The following EPHB1 variants were observed in gnomAD, a reference collection of about 807,000 sequenced individuals.
The protein encoded by EPHB1 is ephrin type-B receptor 1.
EPHB1 carries 30 observed loss-of-function variants against 94.4 expected under a neutral mutation model. That is an observed-to-expected ratio of 0.32 (90% CI 0.24 to 0.43). EPHB1 has a LOEUF of 0.43. EPHB1 is among the 20% of genes least tolerant of loss of function. The pLI, the probability that EPHB1 is intolerant of heterozygous loss-of-function variation, is 1.00. For missense variants in EPHB1, 1,055 were observed against 1,308.3 expected, an observed-to-expected ratio of 0.81 and a Z score of 2.99; for synonymous variants, 522 against 489.1, an observed-to-expected ratio of 1.07 and a Z score of -0.89.
intron 6 of EPHB1, among the ~76,000 whole-genome samples, chr3:135,161,639 T>C (rs2107697895): frequency 6.6e-6 from 1 of 152,206 alleles, no homozygotes; most frequent in South Asian, 2.1e-4. Flanking sequence ...GGATGTTGCC[T>C]AGTTTGAGTC....
chr3:135,096,113 T>C (rs1367820048), intron 3 of EPHB1, among the ~76,000 whole-genome samples: 1 of 152,246 alleles, frequency 6.6e-6, no homozygotes, highest in East Asian at 1.9e-4. Flanking sequence ...AAGTGAATTG[T>C]TGATGAAAAC....
At chr3:134,923,987 T>C (rs189415399) in intron 1 of EPHB1, among the ~76,000 whole-genome samples, 1 of 152,182 alleles carries the variant, frequency 6.6e-6, no homozygotes, top group Non-Finnish European at 1.5e-5. Context: ...CCTTGATACA[T>C]ATCCTGGGAA....
intron 1 of EPHB1, among the ~76,000 whole-genome samples, chr3:134,835,524 C>T (rs2036658121): frequency 1.3e-5 from 2 of 152,082 alleles, no homozygotes; most frequent in South Asian, 2.1e-4. Context: ...AACCCTGCTC[C>T]CCCAGTTATA....
At chr3:134,994,980 A>G (rs1320922169) in intron 3 of EPHB1, among the ~76,000 whole-genome samples, 1 of 124,844 alleles carries the variant, frequency 8.0e-6, no homozygotes, top group Non-Finnish European at 1.7e-5. Flanking sequence ...CCAGTTTTAC[A>G]TACACTTGTG....
chr3:134,915,026 A>G (rs1167651641), intron 1 of EPHB1, among the ~76,000 whole-genome samples: 5 of 152,154 alleles, frequency 3.3e-5, no homozygotes, highest in African/African-American at 1.2e-4. Flanking sequence ...CTCACCTGCT[A>G]GAATGGGTAT....
At chr3:134,965,985 T>C (rs757156167) in intron 3 of EPHB1, among the ~76,000 whole-genome samples, 1 of 152,176 alleles carries the variant, frequency 6.6e-6, no homozygotes, top group Non-Finnish European at 1.5e-5. Flanking sequence ...CTGCCTTCCC[T>C]GCCTGTAGCT....
chr3:135,003,053 G>T (rs1208932789), intron 3 of EPHB1, among the ~76,000 whole-genome samples: 1 of 151,826 alleles, frequency 6.6e-6, no homozygotes, highest in Non-Finnish European at 1.5e-5. Context: ...GTGATGTTAG[G>T]GTGTCAATTT....
intron 3 of EPHB1, among the ~76,000 whole-genome samples, chr3:135,102,031 A>T (rs1264372701): frequency 6.6e-6 from 1 of 152,156 alleles, no homozygotes; most frequent in African/African-American, 2.4e-5. Flanking sequence ...AATCCACAAT[A>T]AATATTTGTT....
chr3:134,795,834 C>A (rs534435470), intron 1 of EPHB1, 145 bp downstream of exon 1: 7 of 952,308 alleles, frequency 7.4e-6, no homozygotes, highest in Non-Finnish European at 1.1e-5. Flanking sequence ...GAGCCTCGGC[C>A]GCTGCCGAGC....
chr3:135,076,423 A>T (rs190149946), intron 3 of EPHB1, among the ~76,000 whole-genome samples: 33 of 152,250 alleles, frequency 2.2e-4, no homozygotes, highest in Admixed American at 2.1e-3. Context: ...AAACACAATG[A>T]TATACTACTT....
chr3:135,166,027 G>T lies in EPHB1; in HGVS notation c.1645G>T (p.Gly549Trp). Residue 549 changes from glycine (G) to tryptophan (W), a missense_variant, in exon 8 of 16, where the codon GGG becomes TGG. By Grantham distance (184) the Gly-to-Trp change is radical. Coordinates refer to ENST00000398015, the MANE Select transcript of EPHB1 (RefSeq NM_004441.5). ...CCTGATTGCTGGCTCGGCAGCGGCCGGGGTCGTGTTCGTTGTGTCCTTGGT... is the reference window on the plus strand; with the variant it reads ...CCTGATTGCTGGCTCGGCAGCGGCCTGGGTCGTGTTCGTTGTGTCCTTGGT... ...LPLIAGSAAA[G>W]VVFVVSLVAI... 1 of 1,613,946 alleles carries T rather than the reference G, an allele frequency of 6.2e-7. No homozygotes were observed. Among genetic ancestry groups the T allele is most frequent in the Non-Finnish European group, 8.5e-7 (1 of 1,179,878 alleles).
At chr3:134,898,998 G>C (rs995188511) in intron 1 of EPHB1, among the ~76,000 whole-genome samples, 2 of 152,144 alleles carry the variant, frequency 1.3e-5, no homozygotes, top group African/African-American at 4.8e-5. Flanking sequence ...GGGGAGGCAT[G>C]GTCTGGAGGA....
intron 12 of EPHB1, among the ~76,000 whole-genome samples, chr3:135,227,964 C>T (rs552728987): frequency 3.4e-4 from 52 of 152,156 alleles, no homozygotes; most frequent in Non-Finnish European, 7.2e-4. Context: ...TTAGACTCTT[C>T]GTGTGTATTT....
rs1414610129 is a variant in EPHB1, at chr3:135,192,718, C to T, written c.2025C>T (p.Phe675=). ...FLSEASIMGQ[F]DHPNIIRLEG... is the part of the protein sequence containing the mutation. ...GTGAGGCGAGCATCATGGGCCAGTTCGACCATCCTAACATCATTCGCCTGG... is the reference window on the plus strand; with the variant it reads ...GTGAGGCGAGCATCATGGGCCAGTTTGACCATCCTAACATCATTCGCCTGG... The change falls in exon 11 of 16, where the codon TTC becomes TTT. Residue 675 remains phenylalanine, a synonymous_variant. Coordinates refer to ENST00000398015, the MANE Select transcript of EPHB1 (RefSeq NM_004441.5). 15 of 1,614,152 alleles carry T rather than the reference C, an allele frequency of 9.3e-6. No individual in the cohort carries two copies. Among genetic ancestry groups the T allele is most frequent in the Admixed American group, 1.7e-5 (1 of 60,006 alleles).
chr3:134,866,180 G>C lies in EPHB1; in HGVS notation c.59-59636G>C, dbSNP rs542839739. Among the ~76,000 whole-genome samples, 123 of 152,326 alleles carry C rather than the reference G, an allele frequency of 8.1e-4. 1 individual carries two copies. The highest frequency in any genetic ancestry group is 2.9e-3 in the African/African-American group (120 of 41,568). On this transcript the variant is annotated intron_variant, in intron 1 of 15. Transcript: ENST00000398015. ...AGTGGGCAAGAGGCTGGGAAAGCTG[G>C]ACCAGCAGCTGAAGTCTGCTTCTGT...
At chr3:135,062,986 A>C (rs1448734109) in intron 3 of EPHB1, among the ~76,000 whole-genome samples, 4 of 152,172 alleles carry the variant, frequency 2.6e-5, no homozygotes, top group African/African-American at 9.7e-5. Context: ...GTTGAAGATC[A>C]GTTGGCTCTA....
chr3:135,094,382 TC>T (rs1280520947), intron 3 of EPHB1, among the ~76,000 whole-genome samples: 2 of 152,186 alleles, frequency 1.3e-5, no homozygotes, highest in African/African-American at 4.8e-5. Context: ...TCCCCCCATG[TC>T]CAGTGTGTAG....
At chr3:134,901,344 C>T (rs901062548) in intron 1 of EPHB1, among the ~76,000 whole-genome samples, 3 of 152,200 alleles carry the variant, frequency 2.0e-5, no homozygotes, top group Non-Finnish European at 4.4e-5. Flanking sequence ...TAGGCTCCTT[C>T]GCCCTTCTTA....
intron 11 of EPHB1, among the ~76,000 whole-genome samples, chr3:135,198,230 T>A (rs1226518298): frequency 6.6e-6 from 1 of 152,200 alleles, no homozygotes; most frequent in Non-Finnish European, 1.5e-5. Flanking sequence ...AGTGGAGAAG[T>A]GATTTACCAT....
Sources: allele counts gnomAD v4.1 joint callset (sites outside exome capture counted in the v4.1 genomes callset), GRCh38; gene constraint gnomAD v4.1.1; transcripts MANE v1.5; gene names NCBI Gene and HGNC (gene_info 2026-07-23, HGNC 2026-07-21).